CNTN5: variants seen among roughly 807,000 people sequenced by gnomAD.
CNTN5 encodes the protein contactin 5.
A neutral mutation model predicts 129.1 loss-of-function variants in CNTN5; 77 were observed. The observed-to-expected ratio is 0.60, with a 90% CI of 0.50 to 0.72. CNTN5 has a LOEUF of 0.72. CNTN5 is among the 30% of genes least tolerant of loss of function. The pLI, the probability that CNTN5 is intolerant of heterozygous loss-of-function variation, is 0.00. For missense variants in CNTN5, 1,478 were observed against 1,328.8 expected, an observed-to-expected ratio of 1.11 and a Z score of -1.75; for synonymous variants, 509 against 465.6, an observed-to-expected ratio of 1.09 and a Z score of -1.20.
At chr11:99,857,464 A>C (rs568967743) in intron 6 of CNTN5, among the ~76,000 whole-genome samples, 2 of 152,296 alleles carry the variant, frequency 1.3e-5, no homozygotes, top group African/African-American at 4.8e-5. Flanking sequence ...TGCAATAGAG[A>C]ATCAAATCAT....
In CNTN5 at chr11:99,812,684, A is replaced by G. The variant is rs78876921; in HGVS notation, c.56-6860A>G. ...TCTAGATTTGAATTCATGCCATCTG[A>G]CTTTGGAACCTCTATTGCAAACAGA... is the stretch of plus-strand genomic sequence containing the variant. On this transcript the variant is annotated intron_variant, in intron 3 of 24. Transcript: ENST00000524871. Among the ~76,000 whole-genome samples the G allele has an allele frequency of 5.5e-3, 830 of 152,186 alleles. 5 individuals carry two copies. Among genetic ancestry groups the G allele is most frequent in the African/African-American group, 0.019 (789 of 41,534 alleles).
chr11:100,323,629 G>GTCC (rs1395304731), intron 21 of CNTN5, among the ~76,000 whole-genome samples: 2 of 130,710 alleles, frequency 1.5e-5, no homozygotes, highest in Non-Finnish European at 3.0e-5. Context: ...GTATTTATAT[G>GTCC]TCCTCCTCCC....
At chr11:99,688,075 G>A (rs1269301278) in intron 3 of CNTN5, among the ~76,000 whole-genome samples, 1 of 152,038 alleles carries the variant, frequency 6.6e-6, no homozygotes, top group Non-Finnish European at 1.5e-5. Context: ...AATCAGCAGT[G>A]GATTCCCTTT....
intron 3 of CNTN5, among the ~76,000 whole-genome samples, chr11:99,720,652 G>C (rs1041247074): frequency 1.3e-5 from 2 of 152,050 alleles, no homozygotes; most frequent in Non-Finnish European, 2.9e-5. Flanking sequence ...ATCCTAGACA[G>C]ATCAATCAGG....
chr11:100,291,400 C>T (rs1174863368), intron 18 of CNTN5, among the ~76,000 whole-genome samples: 2 of 148,270 alleles, frequency 1.3e-5, no homozygotes, highest in African/African-American at 4.9e-5. Context: ...AAATGTGGCA[C>T]ATATACACCA....
intron 10 of CNTN5, among the ~76,000 whole-genome samples, chr11:100,068,156 C>A (rs982648470): frequency 6.6e-6 from 1 of 152,112 alleles, no homozygotes; most frequent in Non-Finnish European, 1.5e-5. Context: ...GACACTGTTT[C>A]GCCTAACATT....
At chr11:99,629,667 C>A (rs1039984259) in intron 3 of CNTN5, among the ~76,000 whole-genome samples, 3 of 95,904 alleles carry the variant, frequency 3.1e-5, no homozygotes, top group African/African-American at 9.2e-5. Flanking sequence ...TTTTAAAAAA[C>A]CTTAATTCTT....
At chr11:99,548,631 T>A (rs1948378278) in intron 2 of CNTN5, among the ~76,000 whole-genome samples, 1 of 152,250 alleles carries the variant, frequency 6.6e-6, no homozygotes, top group South Asian at 2.1e-4. Flanking sequence ...GGATTCCTTA[T>A]TTGCTTTAGC....
At chr11:99,944,873 A>G (rs756721790) in intron 7 of CNTN5, among the ~76,000 whole-genome samples, 1 of 152,152 alleles carries the variant, frequency 6.6e-6, no homozygotes, top group Admixed American at 6.6e-5. Flanking sequence ...ACACAAATAA[A>G]TGGAAATAAT....
At chr11:100,158,969 G>C (rs1262738456) in intron 13 of CNTN5, among the ~76,000 whole-genome samples, 1 of 151,766 alleles carries the variant, frequency 6.6e-6, no homozygotes. Context: ...TCAGATAATG[G>C]AATACTATGC....
chr11:99,549,021 G>T (rs1014467838), intron 2 of CNTN5, among the ~76,000 whole-genome samples: 1 of 151,614 alleles, frequency 6.6e-6, no homozygotes, highest in African/African-American at 2.4e-5. Context: ...ATAGCTTCCA[G>T]CTATTGCCTT....
chr11:99,273,620 G>C (rs576973402), intron 1 of CNTN5, among the ~76,000 whole-genome samples: 1 of 151,488 alleles, frequency 6.6e-6, no homozygotes, highest in South Asian at 2.1e-4. Context: ...TATCTCGGCT[G>C]GTTTGAAAAT....
intron 1 of CNTN5, among the ~76,000 whole-genome samples, chr11:99,048,777 A>G (rs1864313150): frequency 6.6e-6 from 1 of 152,192 alleles, no homozygotes; most frequent in Admixed American, 6.5e-5. Flanking sequence ...AATCCAGTGA[A>G]ATGAATACTG....
chr11:99,316,477 G>A (rs974772347), intron 1 of CNTN5, among the ~76,000 whole-genome samples: 5 of 151,910 alleles, frequency 3.3e-5, no homozygotes, highest in African/African-American at 1.2e-4. Context: ...GTATATCTAG[G>A]TAATGATCGC....
intron 1 of CNTN5, among the ~76,000 whole-genome samples, chr11:99,089,294 C>A: frequency 6.6e-6 from 1 of 152,092 alleles, no homozygotes; most frequent in African/African-American, 2.4e-5. Flanking sequence ...ACTGTAAAAT[C>A]TTGTAAATAG....
intron 1 of CNTN5, among the ~76,000 whole-genome samples, chr11:99,314,506 A>G (rs969820724): frequency 2.0e-5 from 3 of 152,032 alleles, no homozygotes; most frequent in African/African-American, 7.2e-5. Context: ...TTTTATTTTC[A>G]TCATTAAATA....
In CNTN5 at chr11:100,300,357, G is replaced by GA. The variant is rs1268752988; in HGVS notation, c.2620+968dup. On this transcript the variant is annotated intron_variant, in intron 20 of 24. Transcript: ENST00000524871. ...ATTTCAGTTAACCTTACAAGTGGGGGAAAAAAATGAGAAAAGGAAAAGACA... is the reference window on the plus strand; with the variant it reads ...ATTTCAGTTAACCTTACAAGTGGGGGAAAAAAAATGAGAAAAGGAAAAGACA... Among the ~76,000 whole-genome samples, 9 of 151,166 alleles carry GA rather than the reference G, an allele frequency of 6.0e-5. No individual in the cohort carries two copies. In the East Asian group the frequency reaches 1.6e-3, roughly 26 times the overall value.
At chr11:99,426,203 T>G (rs1298554778) in intron 2 of CNTN5, among the ~76,000 whole-genome samples, 2 of 152,276 alleles carry the variant, frequency 1.3e-5, no homozygotes, top group South Asian at 2.1e-4. Context: ...TCAAAAAAAT[T>G]GATGAAGTCA....
At chr11:100,285,893 G>C (rs911102163) in intron 18 of CNTN5, among the ~76,000 whole-genome samples, 2 of 152,210 alleles carry the variant, frequency 1.3e-5, no homozygotes, top group African/African-American at 4.8e-5. Flanking sequence ...AGGTCAGTGG[G>C]TGCGCGCACC....
Sources: gnomAD v4.1 joint callset for allele counts (sites outside exome capture counted in the v4.1 genomes callset) on GRCh38, gnomAD v4.1.1 for gene constraint, MANE v1.5 for transcripts, NCBI Gene and HGNC (gene_info 2026-07-23, HGNC 2026-07-21) for gene names.